The following ZNF385A variants were observed in gnomAD, a reference collection of about 807,000 sequenced individuals.
ZNF385A encodes the protein hematopoietic zinc finger protein.
Under a neutral mutation model 32.1 loss-of-function variants are expected in ZNF385A, and 14 were observed. The observed-to-expected ratio is 0.44, with a 90% CI of 0.29 to 0.68. ZNF385A has a LOEUF of 0.68. Ranked by LOEUF, ZNF385A falls within the 30% of genes least tolerant of loss-of-function variation. ZNF385A has a pLI of 0.14. For synonymous variants in ZNF385A, 197 were observed against 202.7 expected, an observed-to-expected ratio of 0.97 and a Z score of 0.24; for missense variants, 406 against 478.4, an observed-to-expected ratio of 0.85 and a Z score of 1.41.
chr12:54,384,656 C>A lies in ZNF385A; in HGVS notation c.-142G>T. ...CCAGTCCCACTCCCTAGCCAGGGCC[C>A]CCACACTCAGAAGTGTCACCCTCAG... On this transcript the variant is annotated 5_prime_UTR_variant, in exon 1 of 7. Coordinates refer to ENST00000394313, the MANE Select transcript of ZNF385A (RefSeq NM_015481.3). The A allele has an allele frequency of 7.1e-7, 1 of 1,414,348 alleles. No homozygotes were observed. Among genetic ancestry groups the A allele is most frequent in the East Asian group, 2.7e-5 (1 of 36,906 alleles). 87.6% of individuals were successfully genotyped at this position (1,414,348 alleles called of 1,614,324 possible).
In ZNF385A at chr12:54,382,519, T is replaced by A. The variant is rs560893859; in HGVS notation, c.87+1909A>T. Among the ~76,000 whole-genome samples, 43 of 152,354 alleles carry A rather than the reference T, an allele frequency of 2.8e-4. No homozygotes were observed. The South Asian group carries it at 8.9e-3, about 32-fold the overall frequency. ...TAGGCACATACTGTGTCAACTTATA[T>A]AAATTACTAAACCCTTCTGAGGCTT... On this transcript the variant is annotated intron_variant, in intron 1 of 6. Transcript: ENST00000394313.
In ZNF385A at chr12:54,369,893, C is replaced by T; in HGVS notation, c.*363G>A. On this transcript the variant is annotated 3_prime_UTR_variant, in exon 7 of 7. Coordinates refer to ENST00000394313, the MANE Select transcript of ZNF385A (RefSeq NM_015481.3). Reference sequence around the variant, plus strand: ...GCCAAGAAAATCCATTTCTGTCCCCCCCGGACCCCGACCATGGCTTGTGAA... The same window carrying T: ...GCCAAGAAAATCCATTTCTGTCCCCTCCGGACCCCGACCATGGCTTGTGAA... The T allele has an allele frequency of 5.0e-6, 1 of 200,838 alleles. No homozygotes were observed. Among genetic ancestry groups the T allele is most frequent in the Non-Finnish European group, 1.0e-5 (1 of 99,702 alleles). 12.4% of individuals were successfully genotyped at this position (200,838 alleles called of 1,614,324 possible).
intron 2 of ZNF385A, among the ~76,000 whole-genome samples, chr12:54,374,739 G>A (rs73113372): frequency 6.6e-6 from 1 of 152,126 alleles, no homozygotes; most frequent in Admixed American, 6.5e-5. Context: ...CATTTGATGG[G>A]GGAGGGGAGG....
At chr12:54,379,018 T>C in intron 1 of ZNF385A, 2 of 974,092 alleles carry the variant, frequency 2.1e-6, no homozygotes, top group Non-Finnish European at 2.4e-6. Context: ...GGGGGTGCGC[T>C]GCGGCAGCCG....
At chr12:54,389,802 A>G (rs975130987) in intron 1 of ZNF385A, among the ~76,000 whole-genome samples, 7 of 152,104 alleles carry the variant, frequency 4.6e-5, no homozygotes, top group African/African-American at 1.7e-4. Context: ...GGTGGTATTC[A>G]TAGAAGGGTG....
intron 1 of ZNF385A, among the ~76,000 whole-genome samples, chr12:54,381,956 C>T (rs1176716587): frequency 6.6e-6 from 1 of 152,138 alleles, no homozygotes; most frequent in African/African-American, 2.4e-5. Context: ...GTTATCCTTC[C>T]TACCAAACTA....
intron 1 of ZNF385A, among the ~76,000 whole-genome samples, chr12:54,382,290 G>A (rs950874566): frequency 1.2e-4 from 18 of 151,676 alleles, no homozygotes; most frequent in Admixed American, 5.9e-4. Flanking sequence ...TAGCCAGGAT[G>A]GTCTCAATCT....
chr12:54,377,235 G>A (rs1184762974), intron 1 of ZNF385A, among the ~76,000 whole-genome samples: 3 of 152,170 alleles, frequency 2.0e-5, no homozygotes, highest in African/African-American at 7.2e-5. Context: ...TGAAATAGAT[G>A]GTGGCCTCAT....
upstream of ZNF385A, among the ~76,000 whole-genome samples, chr12:54,387,656 C>A (rs1035918911): frequency 2.0e-5 from 3 of 152,232 alleles, no homozygotes; most frequent in African/African-American, 7.2e-5. Context: ...CAAATGAAAA[C>A]AACACTACTT....
At chr12:54,380,125 A>G (rs149445224) in intron 1 of ZNF385A, among the ~76,000 whole-genome samples, 26 of 152,286 alleles carry the variant, frequency 1.7e-4, no homozygotes, top group Admixed American at 3.3e-4. Flanking sequence ...ATTCTAGAAG[A>G]GGTCTAAGGA....
intron 1 of ZNF385A, 118 bp from the exon 2 acceptor site, chr12:54,376,072 C>T: frequency 1.4e-6 from 1 of 729,310 alleles, no homozygotes; most frequent in South Asian, 1.6e-5. Flanking sequence ...CCTTAATATG[C>T]CTGAGGGATC....
chr12:54,378,895 C>T (rs73316364), intron 1 of ZNF385A, among the ~76,000 whole-genome samples: 142 of 152,150 alleles, frequency 9.3e-4, no homozygotes, highest in African/African-American at 3.1e-3. Flanking sequence ...GGGGCATGAG[C>T]TGGGATCCCG....
At chr12:54,387,226 T>C (rs1955513087), upstream of ZNF385A, among the ~76,000 whole-genome samples, 1 of 152,194 alleles carries the variant, frequency 6.6e-6, no homozygotes, top group South Asian at 2.1e-4. Context: ...GCCACTCAGT[T>C]ATCTATGGCT....
Position 54,390,610 on chromosome 12 carries a change from C to G in ZNF385A, c.10+625G>C, listed in dbSNP as rs12581450. Among the ~76,000 whole-genome samples the G allele has an allele frequency of 1.5e-3, 221 of 152,044 alleles. 2 individuals are homozygous for G. In the East Asian group the frequency reaches 0.024, roughly 16 times the overall value. ...GGAGACAGGCTCTGAGCCGCAGGAG[C>G]CCTGGATGGACAGTTTCCCACCCCC... is the stretch of plus-strand genomic sequence containing the variant. On this transcript the variant is annotated intron_variant, in intron 1 of 7. Transcript: ENST00000338010.
chr12:54,376,793 G>C (rs945167763), intron 1 of ZNF385A, among the ~76,000 whole-genome samples: 5 of 152,206 alleles, frequency 3.3e-5, no homozygotes, highest in Non-Finnish European at 5.9e-5. Context: ...GTTTCTCTGA[G>C]GCTTTCTGCT....
chr12:54,387,242 C>G (rs1488890459), upstream of ZNF385A, among the ~76,000 whole-genome samples: 4 of 152,164 alleles, frequency 2.6e-5, no homozygotes. Flanking sequence ...TGGCTAACAA[C>G]TCATCTTTTC....
intron 1 of ZNF385A, chr12:54,391,171 G>T: frequency 6.9e-7 from 1 of 1,457,316 alleles, no homozygotes; most frequent in Non-Finnish European, 9.1e-7. Flanking sequence ...GTGGAGGGGG[G>T]CGGTGGGTGA....
At chr12:54,381,778 TC>T (rs1244987099) in intron 1 of ZNF385A, among the ~76,000 whole-genome samples, 1 of 152,228 alleles carries the variant, frequency 6.6e-6, no homozygotes, top group African/African-American at 2.4e-5. Context: ...TGTCACCTGC[TC>T]CAGGTTAAAT....
Position 54,384,506 on chromosome 12 carries a change from G to A in ZNF385A, c.9C>T (p.Pro3=). The change falls in exon 1 of 7, where the codon CCC becomes CCT. Residue 3 remains proline (P), a synonymous_variant. Coordinates refer to ENST00000394313, the MANE Select transcript of ZNF385A (RefSeq NM_015481.3). ...GCAGGATCTGCTTGAGGTCCAGTGG[G>A]GGCTGCATGATCGGGGGCTGCCGTA... MQ[P]PLDLKQILPF... 3 of 1,555,028 alleles carry A rather than the reference G, an allele frequency of 1.9e-6. No homozygotes were observed. Among genetic ancestry groups the A allele is most frequent in the Middle Eastern group, 1.7e-4 (1 of 5,728 alleles).
Sources: allele counts gnomAD v4.1 joint callset (sites outside exome capture counted in the v4.1 genomes callset), GRCh38; gene constraint gnomAD v4.1.1; transcripts MANE v1.5; gene names NCBI Gene and HGNC (gene_info 2026-07-23, HGNC 2026-07-21).